C11orf65: variants seen among roughly 807,000 people sequenced by gnomAD.
The protein encoded by C11orf65 is protein MFI.
In C11orf65, 38 loss-of-function variants were observed where a neutral mutation model predicts 35.3. The observed-to-expected ratio is 1.08, with a 90% CI of 0.83 to 1.41. The LOEUF (loss-of-function observed/expected upper bound fraction) is 1.41. Ranked by LOEUF, C11orf65 falls within the 40% of genes most tolerant of loss-of-function variation. C11orf65 has a pLI of 0.00. For missense variants in C11orf65, 370 were observed against 367.1 expected, an observed-to-expected ratio of 1.01 and a Z score of -0.06; for synonymous variants, 105 against 114.4, an observed-to-expected ratio of 0.92 and a Z score of 0.53.
chr11:108,396,048 G>A (rs1015009326), intron 6 of C11orf65, among the ~76,000 whole-genome samples: 2 of 152,130 alleles, frequency 1.3e-5, no homozygotes, highest in African/African-American at 4.8e-5. Context: ...CTATAACAGT[G>A]AGAAGATACA....
At chr11:108,466,109 G>T (rs1372124284) in intron 1 of C11orf65, among the ~76,000 whole-genome samples, 1 of 152,144 alleles carries the variant, frequency 6.6e-6, no homozygotes, top group Non-Finnish European at 1.5e-5. Context: ...AAAGGGATAA[G>T]TTAAATGGTA....
At position 108,317,618 on chromosome 11, in the gene C11orf65, TATA is replaced by T. The variant is rs2084820139; in HGVS notation, c.641-8550_641-8548del. ...TATGAATATAACAGGAGTTGTTTTA[TATA>T]TATATATATATATATATATATATAT... On this transcript the variant is annotated intron_variant, in intron 6 of 6. Transcript: ENST00000525729. 3.0e-4 allele frequency: 8 copies of T among 26,754 alleles called. No homozygotes were observed. The South Asian group carries it at 7.3e-3, about 24-fold the overall frequency. The allele number at this position is 26,754 out of a possible 1,614,324, so 1.7% of individuals were successfully genotyped here.
At chr11:108,339,347 T>C (rs1481219801) in intron 2 of C11orf65, among the ~76,000 whole-genome samples, 1 of 152,198 alleles carries the variant, frequency 6.6e-6, no homozygotes, top group East Asian at 1.9e-4. Flanking sequence ...CAATAAATAA[T>C]TTTTATTCCT....
At chr11:108,322,185 C>T (rs186638361) in intron 6 of C11orf65, among the ~76,000 whole-genome samples, 5 of 152,036 alleles carry the variant, frequency 3.3e-5, no homozygotes, top group African/African-American at 9.6e-5. Context: ...GACCAAGTCT[C>T]GCTCTGTTGC....
rs988258474 is a variant in C11orf65 at position 108,461,935 on chromosome 11, A to G, written c.-9-367T>C. On this transcript the variant is annotated intron_variant, in intron 1 of 8. Coordinates refer to ENST00000393084, the MANE Select transcript of C11orf65 (RefSeq NM_152587.5). ...CGCGCCCAGCCTAAAATTATTTTAT[A>G]TGCTCTATTATAAAACTACCACTAG... 2.0e-5 allele frequency among the ~76,000 whole-genome samples: 3 copies of G among 152,120 alleles called. No individual in the cohort carries two copies. The East Asian group carries it at 5.8e-4, about 29-fold the overall frequency.
At chr11:108,417,625 T>C (rs894369521) in intron 3 of C11orf65, among the ~76,000 whole-genome samples, 3 of 151,016 alleles carry the variant, frequency 2.0e-5, no homozygotes, top group Non-Finnish European at 3.0e-5. Flanking sequence ...ATTCAGAATG[T>C]TGGAAGTAAA....
intron 2 of C11orf65, among the ~76,000 whole-genome samples, chr11:108,440,251 T>A (rs1392396510): frequency 6.6e-6 from 1 of 152,260 alleles, no homozygotes; most frequent in African/African-American, 2.4e-5. Context: ...TAATCATCTA[T>A]TACTGTGTAG....
chr11:108,431,716 G>C (rs1332472200), intron 3 of C11orf65, 30 bp downstream of exon 3: 1 of 1,140,774 alleles, frequency 8.8e-7, no homozygotes, highest in African/African-American at 1.6e-5. Flanking sequence ...GAAAAATATA[G>C]GATGCTATAT....
rs863224575 is a variant in C11orf65, at chr11:108,315,902, C to T, written c.641-6831G>A. On this transcript the variant is annotated intron_variant, in intron 6 of 6. Coordinates refer to the C11orf65 transcript ENST00000525729. Reference sequence around the variant, plus strand: ...TGTGGTGGAGGGAAGATGTTACAACCCATTACTAGGTAAATTGCATTTTTC... The same window carrying T: ...TGTGGTGGAGGGAAGATGTTACAACTCATTACTAGGTAAATTGCATTTTTC... 6.2e-7 allele frequency: 1 copy of T among 1,610,878 alleles called. No individual in the cohort carries two copies. Among genetic ancestry groups the T allele is most frequent in the African/African-American group, 1.3e-5 (1 of 74,920 alleles).
chr11:108,438,349 T>C lies in C11orf65; in HGVS notation c.82-6511A>G, dbSNP rs574152039. On this transcript the variant is annotated intron_variant, in intron 2 of 8. Coordinates refer to ENST00000393084, the MANE Select transcript of C11orf65 (RefSeq NM_152587.5). ...GGCAGATCACTTGAGGTCAGGAGTT[T>C]GAGACCAGCCTGGCCAACGTGGTGA... Among the ~76,000 whole-genome samples, 31 of 151,866 alleles carry C rather than the reference T, an allele frequency of 2.0e-4. No individual in the cohort carries two copies. The South Asian group carries it at 6.5e-3, about 32-fold the overall frequency.
chr11:108,457,541 G>T (rs954591570), intron 2 of C11orf65, among the ~76,000 whole-genome samples: 18 of 152,072 alleles, frequency 1.2e-4, no homozygotes, highest in African/African-American at 4.3e-4. Flanking sequence ...GTACTCGGGA[G>T]GCTGAGGCAG....
intron 2 of C11orf65, among the ~76,000 whole-genome samples, chr11:108,341,100 C>G (rs1350685388): frequency 6.6e-6 from 1 of 151,974 alleles, no homozygotes; most frequent in Non-Finnish European, 1.5e-5. Flanking sequence ...TCCCTCCAGC[C>G]TTATCTACCA....
intron 5 of C11orf65, among the ~76,000 whole-genome samples, chr11:108,405,954 A>G (rs757229120): frequency 6.6e-6 from 1 of 152,158 alleles, no homozygotes; most frequent in Non-Finnish European, 1.5e-5. Context: ...ACCATGTCCT[A>G]AGACTTTGTG....
intron 6 of C11orf65, among the ~76,000 whole-genome samples, chr11:108,315,365 G>T (rs1045958864): frequency 1.3e-5 from 2 of 152,168 alleles, no homozygotes; most frequent in African/African-American, 4.8e-5. Flanking sequence ...TACAGTGTGT[G>T]TGTGTAAGTT....
chr11:108,333,791 C>A lies in C11orf65; in HGVS notation c.299+1429G>T, dbSNP rs3218704. 3.6e-3 allele frequency: 3,592 copies of A among 986,808 alleles called. 79 individuals are homozygous for A. In the African/African-American group the frequency reaches 0.049, roughly 13 times the overall value. The allele number at this position is 986,808 out of a possible 1,614,324, so 61.1% of individuals were successfully genotyped here. On this transcript the variant is annotated intron_variant, in intron 3 of 3. Transcript: ENST00000524755. ...CAGAGCCTGAACCACAGATTAGCAA[C>A]AAGTTGGGGCCAGTGGTATCTGCTG...
intron 2 of C11orf65, among the ~76,000 whole-genome samples, chr11:108,369,776 A>G (rs2091499165): frequency 6.6e-6 from 1 of 152,144 alleles, no homozygotes; most frequent in Admixed American, 6.5e-5. Flanking sequence ...GCCTCACTTG[A>G]TATTTTCAAA....
chr11:108,325,672 T>C, intron 6 of C11orf65: 1 of 865,410 alleles, frequency 1.2e-6, no homozygotes, highest in Non-Finnish European at 1.7e-6. Flanking sequence ...ATAGTAAAAA[T>C]AATTGTTTAA....
At chr11:108,310,031 A>T in intron 6 of C11orf65, 1 of 877,090 alleles carries the variant, frequency 1.1e-6, no homozygotes, top group Non-Finnish European at 1.8e-6. Context: ...TATATTGGGG[A>T]AATGTGGTTT....
At chr11:108,450,729 G>A (rs921942904) in intron 2 of C11orf65, among the ~76,000 whole-genome samples, 17 of 151,326 alleles carry the variant, frequency 1.1e-4, no homozygotes, top group African/African-American at 4.1e-4. Flanking sequence ...ACATATGTAA[G>A]AAACCTGCAC....
Sources: gnomAD v4.1 joint callset for allele counts (sites outside exome capture counted in the v4.1 genomes callset) on GRCh38, gnomAD v4.1.1 for gene constraint, MANE v1.5 for transcripts, NCBI Gene and HGNC (gene_info 2026-07-23, HGNC 2026-07-21) for gene names.